DIP2C: variants seen among roughly 807,000 people sequenced by gnomAD.
DIP2C encodes the protein disco-interacting protein 2 homolog C.
DIP2C carries 33 observed loss-of-function variants against 192.4 expected under a neutral mutation model. That is an observed-to-expected ratio of 0.17 (90% CI 0.13 to 0.23). DIP2C has a LOEUF of 0.23. DIP2C is among the 10% of genes least tolerant of loss of function. DIP2C has a pLI of 1.00. For synonymous variants in DIP2C, 979 were observed against 864.1 expected (o/e 1.13, Z -2.33); for missense variants, 1,537 against 2,110.1 (o/e 0.73, Z 5.32).
intron 34 of DIP2C, 99 bp downstream of exon 34, chr10:286,174 T>G: frequency 9.1e-7 from 1 of 1,100,164 alleles, no homozygotes; most frequent in East Asian, 2.4e-5. Context: ...AACCGGTGTG[T>G]GGCAGATGGA....
At chr10:488,593 G>A (rs1220342734) in intron 1 of DIP2C, among the ~76,000 whole-genome samples, 1 of 152,126 alleles carries the variant, frequency 6.6e-6, no homozygotes, top group Non-Finnish European at 1.5e-5. Context: ...TTCCTCGCAT[G>A]TTCACGCCCC....
intron 3 of DIP2C, among the ~76,000 whole-genome samples, chr10:464,389 A>C (rs1036017615): frequency 2.0e-5 from 3 of 152,208 alleles, no homozygotes; most frequent in Admixed American, 2.0e-4. Context: ...CTTAGAAAAA[A>C]AAAAAAGCTC....
At chr10:531,720 A>G (rs907221521) in intron 1 of DIP2C, among the ~76,000 whole-genome samples, 3 of 152,086 alleles carry the variant, frequency 2.0e-5, no homozygotes, top group Admixed American at 1.3e-4. Flanking sequence ...ATGCAAGCAG[A>G]TATCATACGC....
At chr10:579,253 A>G (rs965178356) in intron 1 of DIP2C, among the ~76,000 whole-genome samples, 2 of 151,998 alleles carry the variant, frequency 1.3e-5, no homozygotes, top group African/African-American at 2.4e-5. Flanking sequence ...GTACACTAAC[A>G]TGTGTACATG....
chr10:613,237 C>CTG (rs1284645683), intron 1 of DIP2C, among the ~76,000 whole-genome samples: 1 of 152,232 alleles, frequency 6.6e-6, no homozygotes, highest in Non-Finnish European at 1.5e-5. Flanking sequence ...AGATGTGCAC[C>CTG]TGCTCCAAGC....
At chr10:457,049 T>A (rs1353682904) in intron 3 of DIP2C, among the ~76,000 whole-genome samples, 1 of 152,166 alleles carries the variant, frequency 6.6e-6, no homozygotes, top group African/African-American at 2.4e-5. Context: ...TGCTCACATA[T>A]CCACCTCCAA....
intron 1 of DIP2C, among the ~76,000 whole-genome samples, chr10:661,227 G>C (rs2132078812): frequency 6.6e-6 from 1 of 152,316 alleles, no homozygotes; most frequent in South Asian, 2.1e-4. Context: ...CCAACAACCA[G>C]TCCCTGAACA....
Position 357,945 on chromosome 10 carries a change from G to A in DIP2C, c.2795-8C>T, listed in dbSNP as rs777516540. 4.6e-5 allele frequency: 73 copies of A among 1,603,314 alleles called. No individual in the cohort carries two copies. The highest frequency in any genetic ancestry group is 5.1e-5 in the Non-Finnish European group (60 of 1,171,756). On this transcript the variant is annotated splice_region_variant and splice_polypyrimidine_tract_variant and intron_variant, in intron 22 of 36. Coordinates refer to ENST00000280886, the MANE Select transcript of DIP2C (RefSeq NM_014974.3). The stretch of plus-strand genomic sequence containing the variant: ...CAGAGGCAGGGCCGATTTCTAGAAA[G>A]AAACAGAGACATGGCCATGAGGAAA...
At chr10:362,750 T>C in intron 21 of DIP2C, 59 bp from the exon 22 acceptor site, 1 of 1,517,454 alleles carries the variant, frequency 6.6e-7, no homozygotes, top group Non-Finnish European at 8.9e-7. Flanking sequence ...AGTACGTATT[T>C]ATATTATGCA....
At chr10:405,599 T>C (rs887544736) in intron 9 of DIP2C, among the ~76,000 whole-genome samples, 3 of 152,232 alleles carry the variant, frequency 2.0e-5, no homozygotes, top group African/African-American at 7.2e-5. Flanking sequence ...TCCTGTTGTA[T>C]TGCTACCTCC....
chr10:593,705 A>AAC (rs1329798671), intron 1 of DIP2C, among the ~76,000 whole-genome samples: 1 of 152,114 alleles, frequency 6.6e-6, no homozygotes, highest in Non-Finnish European at 1.5e-5. Context: ...GCACCACCTG[A>AAC]ACACAGCAAG....
intron 1 of DIP2C, among the ~76,000 whole-genome samples, chr10:511,737 A>C (rs1484757601): frequency 6.6e-6 from 1 of 152,200 alleles, no homozygotes; most frequent in Non-Finnish European, 1.5e-5. Flanking sequence ...CTTCACAGGG[A>C]GCACCGAACA....
chr10:530,944 C>A (rs1026480413), intron 1 of DIP2C, among the ~76,000 whole-genome samples: 1 of 152,148 alleles, frequency 6.6e-6, no homozygotes, highest in South Asian at 2.1e-4. Context: ...GGCAGACTCC[C>A]GATGCCGGCC....
chr10:601,235 C>T (rs770966802), intron 1 of DIP2C, among the ~76,000 whole-genome samples: 17 of 152,140 alleles, frequency 1.1e-4, no homozygotes, highest in African/African-American at 1.4e-4. Flanking sequence ...AACTCATTAC[C>T]ACTCCAAAGG....
chr10:598,748 C>CAAG (rs1368816752), intron 1 of DIP2C, among the ~76,000 whole-genome samples: 4 of 152,196 alleles, frequency 2.6e-5, no homozygotes, highest in African/African-American at 9.7e-5. Flanking sequence ...AATAACCAAG[C>CAAG]AAGAATCTTT....
At chr10:480,993 C>T (rs775507075) in intron 2 of DIP2C, among the ~76,000 whole-genome samples, 10 of 152,314 alleles carry the variant, frequency 6.6e-5, no homozygotes, top group South Asian at 2.1e-4. Context: ...GCCTGAGACC[C>T]TAAGTGGAGG....
intron 1 of DIP2C, among the ~76,000 whole-genome samples, chr10:548,154 A>C (rs966133959): frequency 6.6e-6 from 1 of 151,052 alleles, no homozygotes; most frequent in African/African-American, 2.4e-5. Context: ...CAGTGCACCT[A>C]AAACAAGGAT....
intron 24 of DIP2C, among the ~76,000 whole-genome samples, chr10:351,788 C>A (rs569695062): frequency 1.3e-5 from 2 of 152,256 alleles, no homozygotes; most frequent in East Asian, 3.9e-4. Flanking sequence ...GGCTCCTTGC[C>A]ACCTGTTCAC....
chr10:427,659 C>G (rs371879649), intron 4 of DIP2C, among the ~76,000 whole-genome samples: 2 of 152,288 alleles, frequency 1.3e-5, no homozygotes, highest in South Asian at 4.2e-4. Context: ...CTAATAAGCA[C>G]ATTAAAAGAT....
Sources: gnomAD v4.1 joint callset for allele counts (sites outside exome capture counted in the v4.1 genomes callset) on GRCh38, gnomAD v4.1.1 for gene constraint, MANE v1.5 for transcripts, NCBI Gene and HGNC (gene_info 2026-07-23, HGNC 2026-07-21) for gene names.